HUNK: variants seen among roughly 807,000 people sequenced by gnomAD.
HUNK encodes the protein hormonally up-regulated neu tumor-associated kinase.
HUNK carries 21 observed loss-of-function variants against 61.0 expected under a neutral mutation model. The observed-to-expected ratio is 0.34, with a 90% CI of 0.24 to 0.50. The LOEUF is 0.50. HUNK is among the 20% of genes least tolerant of loss of function. The pLI, the probability that HUNK is intolerant of heterozygous loss-of-function variation, is 0.98. For missense variants in HUNK, 772 were observed against 945.7 expected, an observed-to-expected ratio of 0.82 and a Z score of 2.41; for synonymous variants, 371 against 386.1, an observed-to-expected ratio of 0.96 and a Z score of 0.46.
chr21:31,947,931 G>A (rs1387472984), intron 4 of HUNK, among the ~76,000 whole-genome samples: 2 of 152,168 alleles, frequency 1.3e-5, no homozygotes, highest in African/African-American at 4.8e-5. Flanking sequence ...CATATTCACT[G>A]TAACCCCCTT....
intron 10 of HUNK, among the ~76,000 whole-genome samples, chr21:31,996,708 A>G (rs914901048): frequency 1.9e-4 from 29 of 152,180 alleles, no homozygotes; most frequent in South Asian, 4.1e-4. Context: ...TTGGAGTTCA[A>G]TCTCCTAAAA....
At chr21:31,922,975 A>G (rs2052632935) in intron 1 of HUNK, among the ~76,000 whole-genome samples, 1 of 152,190 alleles carries the variant, frequency 6.6e-6, no homozygotes, top group Non-Finnish European at 1.5e-5. Flanking sequence ...TGGGATGCTC[A>G]TGTCTCAGTT....
At chr21:31,994,840 G>A (rs9981748) in intron 9 of HUNK, among the ~76,000 whole-genome samples, 14,419 of 152,268 alleles carry the variant, frequency 0.095, 950 homozygotes, top group Non-Finnish European at 0.15. Context: ...CTAGTACAAC[G>A]AAGGCAAGAT....
intron 5 of HUNK, among the ~76,000 whole-genome samples, chr21:31,964,177 T>G (rs764518321): frequency 2.0e-5 from 3 of 152,348 alleles, no homozygotes; most frequent in East Asian, 3.9e-4. Context: ...CTGTGAATTC[T>G]CCAAAGTCAA....
intron 6 of HUNK, among the ~76,000 whole-genome samples, chr21:31,970,314 G>A (rs1218737958): frequency 6.6e-6 from 1 of 152,146 alleles, no homozygotes; most frequent in Non-Finnish European, 1.5e-5. Flanking sequence ...CACTCACCGT[G>A]CCCAGAGAGG....
chr21:31,925,578 C>T (rs2052654054), intron 2 of HUNK, among the ~76,000 whole-genome samples: 1 of 152,206 alleles, frequency 6.6e-6, no homozygotes, highest in African/African-American at 2.4e-5. Flanking sequence ...GAAATTGAAT[C>T]ACCATTCGAA....
At chr21:31,901,230 A>G (rs11700517) in intron 1 of HUNK, among the ~76,000 whole-genome samples, 10,057 of 152,210 alleles carry the variant, frequency 0.066, 429 homozygotes, top group Middle Eastern at 0.1. Flanking sequence ...TAACAAACAC[A>G]TAACAGGTTC....
intron 4 of HUNK, among the ~76,000 whole-genome samples, chr21:31,957,461 C>A (rs2052897316): frequency 6.6e-6 from 1 of 152,216 alleles, no homozygotes. Flanking sequence ...CTGTCATTAT[C>A]TGAAATGCCA....
At chr21:31,935,314 C>T (rs1000002829) in intron 2 of HUNK, among the ~76,000 whole-genome samples, 2 of 152,164 alleles carry the variant, frequency 1.3e-5, no homozygotes, top group African/African-American at 4.8e-5. Flanking sequence ...ATGAGAGTTC[C>T]CGCATACCTT....
rs1601380835 is a variant in HUNK at position 31,924,002 on chromosome 21, T to C, written c.262-466T>C. Among the ~76,000 whole-genome samples the C allele has an allele frequency of 6.6e-6, 1 of 152,104 alleles. No individual in the cohort carries two copies. The highest frequency in any genetic ancestry group is 1.9e-4 in the East Asian group (1 of 5,164). ...GTGTCCCCCAACCATGCCTTGGAAC[T>C]AAGATTGGGGGAAGATTTAGCTGTT... is the stretch of plus-strand genomic sequence containing the variant. On this transcript the variant is annotated intron_variant, in intron 1 of 10. Coordinates refer to ENST00000270112, the MANE Select transcript of HUNK (RefSeq NM_014586.2). This position sits in a 1 kb window ranked among gnomAD's most constrained non-coding sequence, Gnocchi z 5.1.
At chr21:31,938,978 C>G (rs1424499268) in intron 2 of HUNK, among the ~76,000 whole-genome samples, 2 of 152,134 alleles carry the variant, frequency 1.3e-5, no homozygotes, top group African/African-American at 4.8e-5. Flanking sequence ...TACTGAGTAC[C>G]TGGAATGTGC....
At chr21:31,981,390 T>A (rs1307037328) in intron 7 of HUNK, among the ~76,000 whole-genome samples, 1 of 152,016 alleles carries the variant, frequency 6.6e-6, no homozygotes, top group Non-Finnish European at 1.5e-5. Flanking sequence ...TTTCTGTTTC[T>A]GTGAAAAACG....
At chr21:31,895,018 T>A (rs1461672600) in intron 1 of HUNK, among the ~76,000 whole-genome samples, 1 of 152,228 alleles carries the variant, frequency 6.6e-6, no homozygotes, top group East Asian at 1.9e-4. Context: ...CCCAGGATTT[T>A]AGCGAATCTC....
intron 4 of HUNK, among the ~76,000 whole-genome samples, chr21:31,949,409 G>A (rs2052833236): frequency 6.6e-6 from 1 of 152,134 alleles, no homozygotes; most frequent in Non-Finnish European, 1.5e-5. Flanking sequence ...ATCCATTATG[G>A]ATTTCTTCCA....
At chr21:31,883,333 A>G (rs1466482118) in intron 1 of HUNK, among the ~76,000 whole-genome samples, 1 of 152,106 alleles carries the variant, frequency 6.6e-6, no homozygotes. Context: ...AATCGAGTGT[A>G]TTAAACATGG....
At chr21:31,904,312 A>C (rs2052489926) in intron 1 of HUNK, among the ~76,000 whole-genome samples, 1 of 152,190 alleles carries the variant, frequency 6.6e-6, no homozygotes, top group Non-Finnish European at 1.5e-5. Context: ...TAAAGAGTAG[A>C]AACTACATTT....
In HUNK at chr21:31,924,774, C is replaced by T; in HGVS notation, c.554+14C>T. 6.3e-7 allele frequency: 1 copy of T among 1,579,210 alleles called. No homozygotes were observed. Among genetic ancestry groups the T allele is most frequent in the South Asian group, 1.2e-5 (1 of 84,832 alleles). On this transcript the variant is annotated intron_variant, in intron 2 of 10. Transcript: ENST00000270112. This position sits in a 1 kb window ranked among gnomAD's most constrained non-coding sequence, Gnocchi z 5.1. The stretch of plus-strand genomic sequence containing the variant: ...GGTGGTCCACAGGTAAGGGCCAGGC[C>T]ACGCTGGTGATCGCTGACTGTGTGC...
intron 1 of HUNK, among the ~76,000 whole-genome samples, chr21:31,883,556 C>T (rs188033269): frequency 6.6e-6 from 1 of 152,172 alleles, no homozygotes; most frequent in East Asian, 1.9e-4. Flanking sequence ...CAGTGTCTAC[C>T]ACCTTCCCTC....
chr21:31,990,063 G>A, intron 8 of HUNK, 66 bp from the exon 9 acceptor site: 1 of 1,400,790 alleles, frequency 7.1e-7, no homozygotes, highest in Non-Finnish European at 1.0e-6. Flanking sequence ...GGCCGTAGGG[G>A]AAGCATTTAG....
Sources: allele counts gnomAD v4.1 joint callset (sites outside exome capture counted in the v4.1 genomes callset), GRCh38; gene constraint gnomAD v4.1.1; non-coding constraint Gnocchi (gnomAD v3.1); transcripts MANE v1.5; gene names NCBI Gene and HGNC (gene_info 2026-07-23, HGNC 2026-07-21).